XKR4: variants seen among roughly 807,000 people sequenced by gnomAD.
XKR4 encodes XK-related protein 4.
A neutral mutation model predicts 53.9 loss-of-function variants in XKR4; 12 were observed. The observed-to-expected ratio is 0.22, with a 90% confidence interval of 0.14 to 0.36. The LOEUF is 0.36. XKR4 is among the 10% of genes least tolerant of loss of function. XKR4 has a pLI of 1.00. For missense variants in XKR4, 799 were observed against 859.5 expected (o/e 0.93, Z 0.88); for synonymous variants, 354 against 362.4 (o/e 0.98, Z 0.26).
chr8:55,335,135 T>C lies in XKR4; in HGVS notation c.807-22543T>C, dbSNP rs572073198. On this transcript the variant is annotated intron_variant, in intron 1 of 2. Coordinates refer to ENST00000327381, the MANE Select transcript of XKR4 (RefSeq NM_052898.2). ...AACTCAGATGGCTGCTGTCAGTACC[T>C]GATAATGTTTTCATCTATGAATAAA... Among the ~76,000 whole-genome samples, 70 of 152,298 alleles carry C rather than the reference T, an allele frequency of 4.6e-4. 1 individual carries two copies. The East Asian group carries it at 0.012, about 26-fold the overall frequency.
chr8:55,208,767 G>C (rs1470348177), intron 1 of XKR4, among the ~76,000 whole-genome samples: 1 of 152,064 alleles, frequency 6.6e-6, no homozygotes, highest in Non-Finnish European at 1.5e-5. Context: ...ACCCAGCCTA[G>C]TTTGTTTTCT....
chr8:55,358,117 T>C (rs1023763343), intron 2 of XKR4, among the ~76,000 whole-genome samples: 4 of 152,212 alleles, frequency 2.6e-5, no homozygotes, highest in African/African-American at 9.6e-5. Context: ...AAAAAAATCT[T>C]TATGATTTTA....
intron 2 of XKR4, among the ~76,000 whole-genome samples, chr8:55,446,966 G>C (rs948429043): frequency 6.6e-6 from 1 of 151,884 alleles, no homozygotes; most frequent in Non-Finnish European, 1.5e-5. Context: ...AAATTGGATA[G>C]GGAAAAATTC....
chr8:55,449,959 G>C (rs1036606716), intron 2 of XKR4: 1 of 845,852 alleles, frequency 1.2e-6, no homozygotes, highest in East Asian at 2.5e-5. Flanking sequence ...GCTCAAGGTG[G>C]AGCCCACGGG....
intron 1 of XKR4, among the ~76,000 whole-genome samples, chr8:55,341,629 G>C (rs1288617118): frequency 1.3e-5 from 2 of 152,226 alleles, no homozygotes; most frequent in African/African-American, 4.8e-5. Context: ...GATGACCAAA[G>C]AGCATGTAGG....
At chr8:55,464,512 C>T (rs1267190098) in intron 2 of XKR4, among the ~76,000 whole-genome samples, 1 of 152,072 alleles carries the variant, frequency 6.6e-6, no homozygotes, top group African/African-American at 2.4e-5. Context: ...AAACCCACAG[C>T]CAATATCATA....
chr8:55,379,753 T>A (rs1402961977), intron 2 of XKR4, among the ~76,000 whole-genome samples: 1 of 152,164 alleles, frequency 6.6e-6, no homozygotes, highest in East Asian at 1.9e-4. Flanking sequence ...AGCTCCTCAC[T>A]CCACCCGGAG....
At chr8:55,492,993 G>A (rs1585604280) in intron 2 of XKR4, among the ~76,000 whole-genome samples, 2 of 152,284 alleles carry the variant, frequency 1.3e-5, no homozygotes, top group South Asian at 2.1e-4. Context: ...TCAGTAGCAG[G>A]GCAATTGTAA....
At chr8:55,196,245 G>A (rs1414641926) in intron 1 of XKR4, among the ~76,000 whole-genome samples, 3 of 148,496 alleles carry the variant, frequency 2.0e-5, no homozygotes, top group East Asian at 2.0e-4. Flanking sequence ...GCAATGGTGC[G>A]ATCTTGGCTA....
intron 2 of XKR4, among the ~76,000 whole-genome samples, chr8:55,523,010 T>C (rs1806820805): frequency 6.6e-6 from 1 of 151,846 alleles, no homozygotes. Context: ...GGCATGGTAG[T>C]GGGCGCCTGT....
In XKR4 at chr8:55,536,495, T is replaced by C. The variant is rs1274605845; in HGVS notation, c.*12268T>C. On this transcript the variant is annotated 3_prime_UTR_variant, in exon 3 of 3. Transcript: ENST00000327381. ...CCAAGTAGATCACTCAAGTGGTAAATTTGGTCTTCATGATATCAAACATAC... is the reference window on the plus strand; with the variant it reads ...CCAAGTAGATCACTCAAGTGGTAAACTTGGTCTTCATGATATCAAACATAC... 6.6e-6 allele frequency: 1 copy of C among 152,164 alleles called. No individual in the cohort carries two copies. 9.4% of individuals were successfully genotyped at this position (152,164 alleles called of 1,614,324 possible). A position where few individuals can be genotyped will look rare whatever the true frequency, so the allele number is the denominator to read the frequency against.
intron 2 of XKR4, among the ~76,000 whole-genome samples, chr8:55,378,863 C>A (rs1046253365): frequency 6.6e-6 from 1 of 152,182 alleles, no homozygotes; most frequent in African/African-American, 2.4e-5. Context: ...CCCAACACCC[C>A]CTTCTAGCTT....
intron 2 of XKR4, among the ~76,000 whole-genome samples, chr8:55,400,537 C>A (rs1365209599): frequency 6.6e-6 from 1 of 152,098 alleles, no homozygotes; most frequent in Non-Finnish European, 1.5e-5. Flanking sequence ...GAGGAGGAAT[C>A]CCCATGGGGC....
At chr8:55,336,789 T>C (rs1053402123) in intron 1 of XKR4, among the ~76,000 whole-genome samples, 13 of 151,984 alleles carry the variant, frequency 8.6e-5, no homozygotes, top group African/African-American at 3.1e-4. Context: ...TTTTGGGGGG[T>C]ACACTACAAT....
intron 2 of XKR4, 127 bp from the exon 3 acceptor site, chr8:55,523,154 A>AG (rs1563372768): frequency 3.4e-5 from 29 of 859,444 alleles, no homozygotes; most frequent in Non-Finnish European, 4.0e-5. Context: ...AAAAAAAAAA[A>AG]AAAAGAAATT....
At chr8:55,154,017 A>G (rs1816873637) in intron 1 of XKR4, among the ~76,000 whole-genome samples, 1 of 152,176 alleles carries the variant, frequency 6.6e-6, no homozygotes. Flanking sequence ...CACAGTTTCT[A>G]TTGACATTTC....
In XKR4 at chr8:55,397,585, G is replaced by T. The variant is rs201850450; in HGVS notation, c.1006+39708G>T. Among the ~76,000 whole-genome samples, 5 of 148,116 alleles carry T rather than the reference G, an allele frequency of 3.4e-5. No homozygotes were observed. The South Asian group carries it at 6.4e-4, about 19-fold the overall frequency. On this transcript the variant is annotated intron_variant, in intron 2 of 2. Transcript: ENST00000327381. ...AGCTGTGCCCTTAACGAAGTTCAAT[G>T]TTTTTTTTTTTTCTAGGAACTACTT...
intron 2 of XKR4, among the ~76,000 whole-genome samples, chr8:55,491,280 T>C (rs922989689): frequency 1.3e-5 from 2 of 152,246 alleles, no homozygotes; most frequent in Admixed American, 6.5e-5. Flanking sequence ...GCTAATTCCA[T>C]CATCTTTATT....
At chr8:55,473,652 G>A (rs928167652) in intron 2 of XKR4, among the ~76,000 whole-genome samples, 13 of 152,038 alleles carry the variant, frequency 8.6e-5, no homozygotes, top group African/African-American at 3.1e-4. Flanking sequence ...CCTTGTCTTA[G>A]TTCTAAAAGA....
Sources: allele counts gnomAD v4.1 joint callset (sites outside exome capture counted in the v4.1 genomes callset), GRCh38; gene constraint gnomAD v4.1.1; transcripts MANE v1.5; gene names NCBI Gene and HGNC (gene_info 2026-07-23, HGNC 2026-07-21).